The following SLC22A9 variants were observed in gnomAD, a reference collection of about 807,000 sequenced individuals.
SLC22A9 encodes organic anion transporter 7.
A neutral mutation model predicts 50.1 loss-of-function variants in SLC22A9; 64 were observed. That is an observed-to-expected ratio of 1.28 (90% confidence interval 1.04 to 1.57). SLC22A9 has a LOEUF of 1.57. SLC22A9 is among the 40% of genes most tolerant of loss of function. The pLI is 0.00. For synonymous variants in SLC22A9, 261 were observed against 242.5 expected (o/e 1.08, Z -0.71); for missense variants, 757 against 676.1 (o/e 1.12, Z -1.33).
intron 6 of SLC22A9, among the ~76,000 whole-genome samples, chr11:63,399,459 T>C (rs12290345): frequency 0.055 from 8,301 of 151,752 alleles, 332 homozygotes; most frequent in African/African-American, 0.11. Flanking sequence ...ACAAAGGAGA[T>C]CATTATATAA....
rs767434041 is a variant in SLC22A9 at position 63,370,372 on chromosome 11, C to A, written c.316C>A (p.Pro106Thr). Residue 106 changes from proline to threonine, a missense_variant, in exon 1 of 10, where the codon CCC becomes ACC. By Grantham distance (38) the Pro-to-Thr change is conservative (BLOSUM62 -1). Transcript: ENST00000279178. ...WQLLHLNGTFPNTSDADMEPC... is the reference protein window; with the variant it reads ...WQLLHLNGTFTNTSDADMEPC... ...GCTCCTTCACCTGAATGGGACCTTCCCCAACACAAGTGACGCAGACATGGA... is the reference window on the plus strand; with the variant it reads ...GCTCCTTCACCTGAATGGGACCTTCACCAACACAAGTGACGCAGACATGGA... The A allele has an allele frequency of 1.2e-6, 2 of 1,613,922 alleles. No individual in the cohort carries two copies. Among genetic ancestry groups the A allele is most frequent in the Non-Finnish European group, 1.7e-6 (2 of 1,179,842 alleles).
chr11:63,408,877 T>TGAGTGA lies in SLC22A9; in HGVS notation c.1601_1601+5dup, dbSNP rs2015087144. On this transcript the variant is annotated stop_gained and inframe_insertion and splice_region_variant, in exon 9 of 10. Coordinates refer to ENST00000279178, the MANE Select transcript of SLC22A9 (RefSeq NM_080866.3). LOFTEE classifies it low-confidence loss of function (END_TRUNC). ...TTGACACCATCCAGGATGAGAAAAA[T>TGAGTGA]GAGTGAGTAAATAGCCCGGTTGCCC... 6.2e-7 allele frequency: 1 copy of TGAGTGA among 1,613,606 alleles called. No individual in the cohort carries two copies. The highest frequency in any genetic ancestry group is 1.3e-5 in the African/African-American group (1 of 74,836).
At chr11:63,395,939 A>T (rs2014847367) in intron 6 of SLC22A9, among the ~76,000 whole-genome samples, 1 of 152,010 alleles carries the variant, frequency 6.6e-6, no homozygotes, top group African/African-American at 2.4e-5. Flanking sequence ...ATTTAGGAGT[A>T]TTATGGCTGC....
chr11:63,375,872 G>A (rs2014453172), intron 5 of SLC22A9, 104 bp downstream of exon 5: 2 of 1,443,472 alleles, frequency 1.4e-6, no homozygotes, highest in Admixed American at 4.3e-5. Context: ...AAGAAACACA[G>A]GTATGGTTAT....
intron 8 of SLC22A9, 120 bp from the exon 9 acceptor site, chr11:63,408,556 G>C: frequency 1.2e-6 from 1 of 866,532 alleles, no homozygotes; most frequent in Non-Finnish European, 1.8e-6. Context: ...TCAAACACAG[G>C]AGTATTTCAT....
Position 63,408,717 on chromosome 11 carries a change from C to T in SLC22A9, c.1439C>T (p.Ala480Val), listed in dbSNP as rs368074113. 13 of 1,613,848 alleles carry T rather than the reference C, an allele frequency of 8.1e-6. No individual in the cohort carries two copies. The highest frequency in any genetic ancestry group is 1.1e-5 in the Non-Finnish European group (13 of 1,179,930). The change falls in exon 9 of 10, where the codon GCA becomes GTA. Residue 480 changes from alanine to valine, a missense_variant. Ala to Val is a moderately conservative substitution (Grantham distance 64, BLOSUM62 0). Transcript: ENST00000279178. Reference protein sequence around the residue: ...MGINATFANIAGALAPLMMIL... With the variant: ...MGINATFANIVGALAPLMMIL... ...ATCAATGCAACCTTTGCTAATATAG[C>T]AGGAGCCCTGGCTCCCCTCATGATG...
chr11:63,376,870 T>C (rs1458767874), intron 5 of SLC22A9, among the ~76,000 whole-genome samples: 1 of 150,416 alleles, frequency 6.6e-6, no homozygotes, highest in East Asian at 1.9e-4. Context: ...AACAAGCAAA[T>C]GGAAAACAAA....
At chr11:63,395,585 G>C (rs1006290205) in intron 6 of SLC22A9, among the ~76,000 whole-genome samples, 1 of 152,188 alleles carries the variant, frequency 6.6e-6, no homozygotes, top group African/African-American at 2.4e-5. Flanking sequence ...TTGGTCTCTC[G>C]GCCATGGATA....
intron 6 of SLC22A9, among the ~76,000 whole-genome samples, chr11:63,390,164 A>G (rs1565186035): frequency 1.3e-5 from 2 of 152,152 alleles, no homozygotes. Flanking sequence ...TGATGTGCAG[A>G]AGCTCTTGAG....
chr11:63,408,878 G>T lies in SLC22A9; in HGVS notation c.1600G>T (p.Glu534Ter), dbSNP rs886186849. 6.2e-7 allele frequency: 1 copy of T among 1,613,840 alleles called. No homozygotes were observed. The highest frequency in any genetic ancestry group is 1.7e-5 in the Admixed American group (1 of 59,974). The change falls in exon 9 of 10, where the codon GAG (glutamate) becomes TAG (stop). Residue 534 changes from glutamate to a stop codon, truncating the protein, a stop_gained and splice_region_variant. Transcript: ENST00000279178. LOFTEE classifies it low-confidence loss of function (END_TRUNC). ...LFDTIQDEKN[E>*]RKDPREPKQE... is the part of the protein sequence containing the mutation. ...TGACACCATCCAGGATGAGAAAAAT[G>T]AGTGAGTAAATAGCCCGGTTGCCCC...
In SLC22A9 at chr11:63,410,099, G is replaced by T. The variant is rs1429337465; in HGVS notation, c.*237G>T. ...ACTAAAACAAATACAAAACTTCGCT[G>T]GGCACAGTGGCACAGGCCTTTAATT... is the stretch of plus-strand genomic sequence containing the variant. On this transcript the variant is annotated 3_prime_UTR_variant, in exon 10 of 10. Transcript: ENST00000279178. 2.7e-6 allele frequency: 1 copy of T among 363,870 alleles called. No homozygotes were observed. Among genetic ancestry groups the T allele is most frequent in the Non-Finnish European group, 5.1e-6 (1 of 195,828 alleles). The allele number at this position is 363,870 out of a possible 1,614,324, so 22.5% of individuals were successfully genotyped here.
At chr11:63,373,361 T>A (rs1223018595) in intron 2 of SLC22A9, among the ~76,000 whole-genome samples, 1 of 152,180 alleles carries the variant, frequency 6.6e-6, no homozygotes, top group Non-Finnish European at 1.5e-5. Context: ...GGACTTCTGA[T>A]ACTTTAAAAT....
intron 9 of SLC22A9, among the ~76,000 whole-genome samples, chr11:63,409,553 G>A: frequency 6.6e-6 from 1 of 152,072 alleles, no homozygotes; most frequent in East Asian, 1.9e-4. Flanking sequence ...GCCATAGGCT[G>A]GACAAGCTTG....
At chr11:63,400,044 G>T (rs1306656126) in intron 6 of SLC22A9, among the ~76,000 whole-genome samples, 2 of 151,868 alleles carry the variant, frequency 1.3e-5, no homozygotes, top group Admixed American at 1.3e-4. Flanking sequence ...AGCACTAACA[G>T]GTATGTTTAT....
At chr11:63,377,828 CG>C (rs1565182332) in intron 5 of SLC22A9, among the ~76,000 whole-genome samples, 9 of 151,878 alleles carry the variant, frequency 5.9e-5, no homozygotes, top group African/African-American at 2.2e-4. Flanking sequence ...AAAAAGAGAG[CG>C]GATTCAAATA....
chr11:63,382,337 C>CA, intron 6 of SLC22A9, 60 bp downstream of exon 6: 1 of 1,210,868 alleles, frequency 8.3e-7, no homozygotes, highest in Non-Finnish European at 1.2e-6. Flanking sequence ...ATCTTGTCCT[C>CA]ATTTCAAGTA....
At chr11:63,408,050 C>A (rs2015070153) in intron 7 of SLC22A9, 62 bp from the exon 8 acceptor site, 1 of 1,367,734 alleles carries the variant, frequency 7.3e-7, no homozygotes, top group African/African-American at 1.4e-5. Flanking sequence ...TCACTTCTAC[C>A]TTGGGGATGC....
In SLC22A9 at chr11:63,371,119, C is replaced by T. The variant is rs1026471663; in HGVS notation, c.403-16C>T. The T allele has an allele frequency of 1.3e-6, 2 of 1,589,598 alleles. No individual in the cohort carries two copies. The highest frequency in any genetic ancestry group is 3.3e-5 in the Admixed American group (2 of 59,790). On this transcript the variant is annotated splice_polypyrimidine_tract_variant and intron_variant, in intron 1 of 9. Transcript: ENST00000279178. ...GGGGTAATAAGCATTGATGTGCTGG[C>T]TTCCTTCTCTTCCAGTGGGATCTGG...
Position 63,370,252 on chromosome 11 carries a change from G to A in SLC22A9, c.196G>A (p.Ala66Thr), listed in dbSNP as rs2014326785. 3.1e-6 allele frequency: 5 copies of A among 1,614,018 alleles called. No individual in the cohort carries two copies. The highest frequency in any genetic ancestry group is 4.2e-6 in the Non-Finnish European group (5 of 1,179,922). ...NDTVSDNDTGALSQDALLRIS... is the reference protein window; with the variant it reads ...NDTVSDNDTGTLSQDALLRIS... The stretch of plus-strand genomic sequence containing the variant: ...CACTGTCTCTGACAATGACACTGGG[G>A]CCCTCAGCCAAGATGCACTCTTGAG... The change falls in exon 1 of 10, where the codon GCC (alanine) becomes ACC (threonine). Residue 66 changes from alanine to threonine, a missense_variant. Transcript: ENST00000279178.
Sources: allele counts gnomAD v4.1 joint callset (sites outside exome capture counted in the v4.1 genomes callset), GRCh38; gene constraint gnomAD v4.1.1; transcripts MANE v1.5; gene names NCBI Gene and HGNC (gene_info 2026-07-23, HGNC 2026-07-21).